ATG4A: variants seen among roughly 807,000 people sequenced by gnomAD.
ATG4A encodes the protein cysteine protease ATG4A.
In ATG4A, 22 loss-of-function variants were observed where a neutral mutation model predicts 38.4. The ratio of observed to expected loss-of-function variants is 0.57; its 90% CI spans 0.41 to 0.82. The LOEUF is 0.82. ATG4A is among the 40% of genes least tolerant of loss of function. ATG4A has a pLI of 0.00. For synonymous variants in ATG4A, 86 were observed against 100.7 expected, an observed-to-expected ratio of 0.85 and a Z score of 0.88; for missense variants, 220 against 290.0, an observed-to-expected ratio of 0.76 and a Z score of 1.75.
intron 1 of ATG4A, among the ~76,000 whole-genome samples, chrX:108,095,650 C>T (rs1396563359): frequency 1.8e-5 from 2 of 111,041 alleles, no homozygotes; most frequent in Non-Finnish European, 3.8e-5. Context: ...TTTTACCTTC[C>T]CATCAGCAAT....
Position 108,103,290 on chromosome X carries a change from TG to T in ATG4A, c.10+11456del, listed in dbSNP as rs1463008186. ...TTTGCTATTGTAAATAGTGCTGAAATGGACATATGTGTGCTAGCACCATTTG... is the reference window on the plus strand; with the variant it reads ...TTTGCTATTGTAAATAGTGCTGAAATGACATATGTGTGCTAGCACCATTTG... On this transcript the variant is annotated intron_variant, in intron 1 of 12. Coordinates refer to ENST00000372232, the MANE Select transcript of ATG4A (RefSeq NM_052936.5). Among the ~76,000 whole-genome samples the T allele has an allele frequency of 4.5e-5, 5 of 111,847 alleles. No homozygotes were observed. In the Admixed American group the frequency reaches 4.7e-4, roughly 11 times the overall value.
intron 1 of ATG4A, among the ~76,000 whole-genome samples, chrX:108,125,265 A>C (rs1205852800): frequency 9.1e-6 from 1 of 110,074 alleles, no homozygotes; most frequent in East Asian, 2.8e-4. Flanking sequence ...GCCCACCAAG[A>C]GATACTTCAT....
At chrX:108,122,035 TC>T (rs1280994793) in intron 1 of ATG4A, among the ~76,000 whole-genome samples, 4 of 111,905 alleles carry the variant, frequency 3.6e-5, no homozygotes, top group Non-Finnish European at 7.5e-5. Flanking sequence ...ATCCTATATC[TC>T]AGACCCCTCC....
intron 1 of ATG4A, among the ~76,000 whole-genome samples, chrX:108,095,968 C>T (rs2031805090): frequency 9.0e-6 from 1 of 111,381 alleles, no homozygotes; most frequent in Non-Finnish European, 1.9e-5. Context: ...CCTTGGCCTT[C>T]CAAAATGCTG....
intron 1 of ATG4A, among the ~76,000 whole-genome samples, chrX:108,103,306 A>C (rs1236857183): frequency 9.0e-6 from 1 of 111,645 alleles, no homozygotes; most frequent in Non-Finnish European, 1.9e-5. Context: ...TATGTGTGCT[A>C]GCACCATTTG....
intron 3 of ATG4A, among the ~76,000 whole-genome samples, chrX:108,130,527 T>G (rs1327609394): frequency 8.9e-6 from 1 of 112,441 alleles, no homozygotes; most frequent in Non-Finnish European, 1.9e-5. Context: ...TGGGTTTAAA[T>G]TATGATCATA....
chrX:108,109,102 T>C (rs2032279269), intron 1 of ATG4A, among the ~76,000 whole-genome samples: 1 of 111,963 alleles, frequency 8.9e-6, no homozygotes, highest in African/African-American at 3.2e-5. Context: ...TCCACAGCAC[T>C]TGTACCATTT....
chrX:108,090,581 CA>C (rs1569296347), upstream of ATG4A, among the ~76,000 whole-genome samples: 1 of 111,844 alleles, frequency 8.9e-6, no homozygotes, highest in Non-Finnish European at 1.9e-5. Flanking sequence ...AATTCTCTCC[CA>C]AAAGACACAA....
intron 1 of ATG4A, among the ~76,000 whole-genome samples, chrX:108,112,012 T>C (rs1943131100): frequency 9.0e-6 from 1 of 111,016 alleles, no homozygotes; most frequent in African/African-American, 3.3e-5. Flanking sequence ...ATTTTTAATG[T>C]CTTGTGGGCA....
At chrX:108,090,745 G>A (rs1197685578), upstream of ATG4A, among the ~76,000 whole-genome samples, 3 of 112,303 alleles carry the variant, frequency 2.7e-5, no homozygotes, top group Non-Finnish European at 1.9e-5. Context: ...GAGCAGGAGG[G>A]CAGAAAGAAA....
chrX:108,134,318 T>C, intron 5 of ATG4A, 21 bp from the exon 6 acceptor site: 1 of 1,199,039 alleles, frequency 8.3e-7, no homozygotes, highest in Non-Finnish European at 1.1e-6. Flanking sequence ...AACATGTTAT[T>C]TTTTTCCACA....
chrX:108,141,071 CATAT>C (rs139918190), intron 9 of ATG4A, among the ~76,000 whole-genome samples: 12,987 of 34,678 alleles, frequency 0.37, 2,274 homozygotes, highest in East Asian at 0.55. Flanking sequence ...TATATATATA[CATAT>C]ATATATATAT....
chrX:108,127,132 A>G (rs1412649957), intron 2 of ATG4A: 2 of 124,576 alleles, frequency 1.6e-5, no homozygotes, highest in Non-Finnish European at 3.3e-5. Context: ...AACTTCCTTC[A>G]GTGGTACTTA....
intron 3 of ATG4A, among the ~76,000 whole-genome samples, chrX:108,129,363 A>C (rs1338826767): frequency 3.6e-5 from 4 of 111,774 alleles, no homozygotes; most frequent in African/African-American, 1.3e-4. Flanking sequence ...AGAAAAAAGG[A>C]CAGCTCAATA....
At chrX:108,132,810 A>C (rs200511734) in intron 4 of ATG4A, among the ~76,000 whole-genome samples, 4 of 110,412 alleles carry the variant, frequency 3.6e-5, no homozygotes, top group African/African-American at 1.3e-4. Flanking sequence ...AAAAAAAAAA[A>C]AAAACTCCAC....
At chrX:108,091,649 C>T, upstream of ATG4A, 2 of 922,948 alleles carry the variant, frequency 2.2e-6, no homozygotes, top group Non-Finnish European at 3.1e-6. Flanking sequence ...TTTTCTTTTC[C>T]CGTCGCGCGG....
chrX:108,129,720 G>A (rs2032903211), intron 3 of ATG4A, among the ~76,000 whole-genome samples: 1 of 109,327 alleles, frequency 9.1e-6, no homozygotes, highest in Non-Finnish European at 1.9e-5. Context: ...ACAGGCGCCC[G>A]CCAACACGCC....
chrX:108,134,034 A>G, intron 4 of ATG4A, 23 bp from the exon 5 acceptor site: 1 of 1,126,568 alleles, frequency 8.9e-7, no homozygotes, highest in Non-Finnish European at 1.2e-6. Context: ...AATGTTTCTA[A>G]CCCATTTTTT....
Position 108,115,951 on chromosome X carries a change from T to C in ATG4A, c.11-10126T>C, listed in dbSNP as rs141692502. On this transcript the variant is annotated intron_variant, in intron 1 of 12. Transcript: ENST00000372232. ...GTCAGACATTAGAGACTATTTTTGC[T>C]TCACACAGTGGGCTGGGTCTTTCAC... Among the ~76,000 whole-genome samples the C allele has an allele frequency of 1.8e-3, 202 of 112,413 alleles. 3 individuals carry two copies. The highest frequency in any genetic ancestry group is 6.3e-3 in the African/African-American group (194 of 30,951).
Sources: gnomAD v4.1 joint callset for allele counts (sites outside exome capture counted in the v4.1 genomes callset) on GRCh38, gnomAD v4.1.1 for gene constraint, MANE v1.5 for transcripts, NCBI Gene and HGNC (gene_info 2026-07-23, HGNC 2026-07-21) for gene names.